IQGAP2: variants seen among roughly 807,000 people sequenced by gnomAD.
IQGAP2 encodes the protein IQ motif containing GTPase activating protein 2.
IQGAP2 carries 173 observed loss-of-function variants against 201.3 expected under a neutral mutation model. The ratio of observed to expected loss-of-function variants is 0.86; its 90% CI spans 0.76 to 0.98. IQGAP2 has a LOEUF of 0.98. Among genes scored for constraint, IQGAP2 ranks in the 50% least tolerant of loss-of-function variants. IQGAP2 has a pLI of 0.00. For missense variants in IQGAP2, 1,687 were observed against 1,864.8 expected (o/e 0.90, Z 1.76); for synonymous variants, 675 against 673.9 (o/e 1.00, Z -0.03).
At chr5:76,582,065 A>G (rs986900597) in intron 5 of IQGAP2, among the ~76,000 whole-genome samples, 2 of 152,222 alleles carry the variant, frequency 1.3e-5, no homozygotes, top group African/African-American at 4.8e-5. Flanking sequence ...TTCATAACAT[A>G]TCTGTGCAGT....
At chr5:76,693,711 C>T (rs1746480498) in intron 31 of IQGAP2, 3 of 277,932 alleles carry the variant, frequency 1.1e-5, no homozygotes, top group South Asian at 1.6e-4. Flanking sequence ...TTTCAAAGCC[C>T]GGAAATGTTC....
intron 2 of IQGAP2, among the ~76,000 whole-genome samples, chr5:76,468,527 G>A (rs1754913654): frequency 6.6e-6 from 1 of 152,134 alleles, no homozygotes; most frequent in Admixed American, 6.5e-5. Context: ...TCCCACCACT[G>A]CTAGCCCGCC....
intron 2 of IQGAP2, among the ~76,000 whole-genome samples, chr5:76,473,090 C>T (rs1162177724): frequency 6.6e-6 from 1 of 152,236 alleles, no homozygotes; most frequent in African/African-American, 2.4e-5. Context: ...AACAGTATTA[C>T]AACCTAGGTC....
chr5:76,456,671 A>G (rs1442211801), intron 1 of IQGAP2, among the ~76,000 whole-genome samples: 2 of 152,218 alleles, frequency 1.3e-5, no homozygotes, highest in Non-Finnish European at 2.9e-5. Flanking sequence ...TTCCAGATAA[A>G]AGCAGTTCCC....
intron 2 of IQGAP2, among the ~76,000 whole-genome samples, chr5:76,520,444 G>T (rs940545831): frequency 7.2e-5 from 11 of 152,190 alleles, no homozygotes; most frequent in Admixed American, 2.6e-4. Context: ...TTACAAGCGT[G>T]AGCCACCGCG....
chr5:76,518,213 C>T (rs4704321), intron 2 of IQGAP2, among the ~76,000 whole-genome samples: 114,647 of 152,038 alleles, frequency 0.75, 43,640 homozygotes, highest in East Asian at 0.96. Context: ...CTGCTCACCT[C>T]GGCCTCCCAA....
intron 22 of IQGAP2, 124 bp from the exon 23 acceptor site, chr5:76,668,557 T>C: frequency 1.4e-6 from 1 of 721,604 alleles, no homozygotes; most frequent in Non-Finnish European, 2.3e-6. Flanking sequence ...TACTCATCTA[T>C]ATGCTTTTAG....
intron 1 of IQGAP2, among the ~76,000 whole-genome samples, chr5:76,442,789 C>A (rs1434793027): frequency 6.6e-6 from 1 of 152,124 alleles, no homozygotes; most frequent in Non-Finnish European, 1.5e-5. Flanking sequence ...GAATTTGAGA[C>A]CAGCTGGCCA....
At chr5:76,434,133 T>C (rs1186896253) in intron 1 of IQGAP2, among the ~76,000 whole-genome samples, 1 of 152,212 alleles carries the variant, frequency 6.6e-6, no homozygotes, top group Non-Finnish European at 1.5e-5. Flanking sequence ...GGTTGACTAC[T>C]GGTTGTTTGC....
Position 76,673,464 on chromosome 5 carries a change from T to C in IQGAP2, c.3084T>C (p.Asp1028=), listed in dbSNP as rs1398558050. Residue 1028 remains aspartate, a synonymous_variant, in exon 25 of 36, where the codon GAT becomes GAC. Transcript: ENST00000274364. ...QTGEASKLPY[D]VTTEQALTYP... ...GTGTTTTCAGCAAGTTGCCTTATGA[T>C]GTGACCACAGAACAAGCTCTAACAT... The C allele has an allele frequency of 1.2e-6, 2 of 1,613,846 alleles. No individual in the cohort carries two copies. The highest frequency in any genetic ancestry group is 3.3e-5 in the Admixed American group (2 of 59,950).
rs574986553 is a variant in IQGAP2 at position 76,424,527 on chromosome 5, G to A, written c.46+20936G>A. The stretch of plus-strand genomic sequence containing the variant: ...TCACCATGTTGGTCAGGCTGGTCTC[G>A]AACTCCTAATCCACCTGCCTAGTCC... On this transcript the variant is annotated intron_variant, in intron 1 of 35. Transcript: ENST00000274364. Among the ~76,000 whole-genome samples the A allele has an allele frequency of 9.2e-5, 14 of 152,184 alleles. 1 individual carries two copies. In the South Asian group the frequency reaches 2.9e-3, roughly 32 times the overall value.
chr5:76,552,055 T>G (rs1302462674), intron 2 of IQGAP2, among the ~76,000 whole-genome samples: 1 of 152,218 alleles, frequency 6.6e-6, no homozygotes, highest in Admixed American at 6.5e-5. Context: ...CCCCTGGGCC[T>G]GAACACTTTC....
Position 76,500,100 on chromosome 5 carries a change from C to T in IQGAP2, c.146+38431C>T, listed in dbSNP as rs140438937. Reference sequence around the variant, plus strand: ...TCCAACCTAGGTGACAGAGAGAGACCCTGTCTCAACAAAATGAATGAATGA... The same window carrying T: ...TCCAACCTAGGTGACAGAGAGAGACTCTGTCTCAACAAAATGAATGAATGA... On this transcript the variant is annotated intron_variant, in intron 2 of 35. Coordinates refer to ENST00000274364, the MANE Select transcript of IQGAP2 (RefSeq NM_006633.5). Among the ~76,000 whole-genome samples the T allele has an allele frequency of 5.3e-5, 8 of 152,008 alleles. No individual in the cohort carries two copies. The South Asian group carries it at 8.3e-4, about 16-fold the overall frequency.
At chr5:76,406,869 A>G (rs1750825737) in intron 1 of IQGAP2, among the ~76,000 whole-genome samples, 1 of 152,256 alleles carries the variant, frequency 6.6e-6, no homozygotes, top group Non-Finnish European at 1.5e-5. Flanking sequence ...TACATTGTAC[A>G]AAAATTGGGG....
At chr5:76,423,226 G>A (rs1282761663) in intron 1 of IQGAP2, among the ~76,000 whole-genome samples, 1 of 152,218 alleles carries the variant, frequency 6.6e-6, no homozygotes, top group Non-Finnish European at 1.5e-5. Context: ...CACAGTGACT[G>A]TCTAATCATG....
chr5:76,565,361 T>C (rs1003044025), intron 3 of IQGAP2, among the ~76,000 whole-genome samples: 3 of 152,228 alleles, frequency 2.0e-5, no homozygotes, highest in African/African-American at 7.2e-5. Context: ...GCAGCTTTGA[T>C]GGCCATCAGT....
At chr5:76,510,723 C>A in intron 2 of IQGAP2, 1 of 525,754 alleles carries the variant, frequency 1.9e-6, no homozygotes, top group South Asian at 1.4e-5. Flanking sequence ...TTCACCCTCT[C>A]GGACCTAAGG....
chr5:76,562,538 C>G lies in IQGAP2; in HGVS notation c.289C>G (p.Gln97Glu). The change falls in exon 3 of 36, where the codon CAA becomes GAA. Residue 97 changes from glutamine (Q) to glutamate (E), a missense_variant. Physicochemically the swap from Gln to Glu is conservative, Grantham distance 29. Coordinates refer to ENST00000274364, the MANE Select transcript of IQGAP2 (RefSeq NM_006633.5). ...AGAGAAAAAGATCTATGATGTGGAA[C>G]AAACACGTTATAAGGTAACCAAGAT... is the stretch of plus-strand genomic sequence containing the variant. ...VSEKKIYDVE[Q>E]TRYKKSGLHF... The G allele has an allele frequency of 1.2e-6, 2 of 1,613,454 alleles. No individual in the cohort carries two copies. The highest frequency in any genetic ancestry group is 1.7e-6 in the Non-Finnish European group (2 of 1,179,794).
chr5:76,639,368 T>C (rs1580692887), intron 16 of IQGAP2, among the ~76,000 whole-genome samples: 1 of 152,330 alleles, frequency 6.6e-6, no homozygotes, highest in East Asian at 1.9e-4. Flanking sequence ...AGTGGTTATA[T>C]CATGTGCCCA....
Sources: allele counts gnomAD v4.1 joint callset (sites outside exome capture counted in the v4.1 genomes callset), GRCh38; gene constraint gnomAD v4.1.1; transcripts MANE v1.5; gene names NCBI Gene and HGNC (gene_info 2026-07-23, HGNC 2026-07-21).